The following CYRIB variants were observed in gnomAD, a reference collection of about 807,000 sequenced individuals.
CYRIB encodes CYFIP-related Rac1 interactor B.
Under a neutral mutation model 44.2 loss-of-function variants are expected in CYRIB, and 8 were observed. That is an observed-to-expected ratio of 0.18 (90% CI 0.11 to 0.33). The LOEUF is 0.33. CYRIB is among the 10% of genes least tolerant of loss of function. The pLI is 1.00. For missense variants in CYRIB, 185 were observed against 382.8 expected, an observed-to-expected ratio of 0.48 and a Z score of 4.31; for synonymous variants, 131 against 127.2, an observed-to-expected ratio of 1.03 and a Z score of -0.20.
chr8:129,849,461 T>C (rs113900571), intron 9 of CYRIB, 92 bp from the exon 12 acceptor site: 4 of 1,266,884 alleles, frequency 3.2e-6, no homozygotes, highest in African/African-American at 1.5e-5. Context: ...TCTGAAATAT[T>C]TTATTCAAAT....
intron 2 of CYRIB, among the ~76,000 whole-genome samples, chr8:129,968,175 G>A (rs953586226): frequency 3.9e-5 from 6 of 152,168 alleles, no homozygotes; most frequent in African/African-American, 1.4e-4. Context: ...TGCAAATAAA[G>A]TACACAGAAC....
chr8:130,006,607 C>CACATATATATGTATATAT, intron 1 of CYRIB, among the ~76,000 whole-genome samples: 1 of 7,118 alleles, frequency 1.4e-4, no homozygotes, highest in Admixed American at 2.6e-3. Flanking sequence ...TATATATATA[C>CACATATATATGTATATAT]ATATATATGT....
chr8:129,857,460 T>C (rs1339595514), intron 5 of CYRIB, among the ~76,000 whole-genome samples: 1 of 152,034 alleles, frequency 6.6e-6, no homozygotes, highest in Non-Finnish European at 1.5e-5. Flanking sequence ...ACACCACCAA[T>C]ATAGGAGCAC....
At chr8:129,910,226 T>A (rs563678766) in intron 1 of CYRIB, among the ~76,000 whole-genome samples, 2 of 152,228 alleles carry the variant, frequency 1.3e-5, no homozygotes, top group Non-Finnish European at 2.9e-5. Flanking sequence ...CAAAGTGACA[T>A]GTCTATCTCA....
intron 1 of CYRIB, among the ~76,000 whole-genome samples, chr8:130,014,714 T>G (rs942500150): frequency 1.3e-5 from 2 of 152,226 alleles, no homozygotes; most frequent in African/African-American, 4.8e-5. Flanking sequence ...AGTCTCCCTG[T>G]GCTGGAACCC....
intron 3 of CYRIB, among the ~76,000 whole-genome samples, chr8:129,877,599 A>G (rs1198430519): frequency 6.6e-6 from 1 of 151,548 alleles, no homozygotes; most frequent in Non-Finnish European, 1.5e-5. Flanking sequence ...CAGTGAGCTA[A>G]GATTGCGCCA....
rs1301371045 is a variant in CYRIB, at chr8:129,855,593, G to A, written c.438+18C>T. On this transcript the variant is annotated intron_variant, in intron 6 of 11. Transcript: ENST00000519824. ...ATTCATGATTTTCGTAACAATCAGG[G>A]CCAATAGATAATTCTACCTTGAGTT... The A allele has an allele frequency of 1.2e-6, 2 of 1,613,264 alleles. No homozygotes were observed. Among genetic ancestry groups the A allele is most frequent in the Non-Finnish European group, 1.7e-6 (2 of 1,179,594 alleles).
chr8:129,958,192 T>C (rs2094985918), intron 2 of CYRIB, among the ~76,000 whole-genome samples: 1 of 152,022 alleles, frequency 6.6e-6, no homozygotes, highest in African/African-American at 2.4e-5. Flanking sequence ...CTGGATAAAA[T>C]TGTATCTGCT....
chr8:130,003,015 A>G (rs2096942258), intron 1 of CYRIB, among the ~76,000 whole-genome samples: 1 of 152,260 alleles, frequency 6.6e-6, no homozygotes, highest in African/African-American at 2.4e-5. Context: ...TTGCCAATCT[A>G]TGTGAGTATC....
upstream of CYRIB, chr8:130,016,705 C>T (rs1401809469): frequency 2.0e-5 from 3 of 149,066 alleles, no homozygotes; most frequent in African/African-American, 7.3e-5. Context: ...CGCGGGGCCC[C>T]GGCGTCAGCG....
At chr8:129,952,444 C>G (rs531854377) in intron 2 of CYRIB, among the ~76,000 whole-genome samples, 54 of 152,060 alleles carry the variant, frequency 3.6e-4, no homozygotes, top group African/African-American at 1.3e-3. Flanking sequence ...TAATAGAATG[C>G]AAAATTGTAT....
At chr8:129,951,140 C>T (rs1426958884) in intron 2 of CYRIB, among the ~76,000 whole-genome samples, 1 of 151,980 alleles carries the variant, frequency 6.6e-6, no homozygotes, top group Non-Finnish European at 1.5e-5. Flanking sequence ...CCCATCTCTA[C>T]TAAAAATACA....
At chr8:129,889,562 C>A (rs2064217053) in intron 2 of CYRIB, among the ~76,000 whole-genome samples, 1 of 152,088 alleles carries the variant, frequency 6.6e-6, no homozygotes, top group Non-Finnish European at 1.5e-5. Flanking sequence ...GGGAAGGGGT[C>A]AAACATCAAT....
intron 1 of CYRIB, among the ~76,000 whole-genome samples, chr8:129,923,384 C>T (rs2137343704): frequency 6.6e-6 from 1 of 151,980 alleles, no homozygotes; most frequent in African/African-American, 2.4e-5. Context: ...AAGCGATTCT[C>T]GTTCCTCAGC....
chr8:129,985,149 T>G (rs2096405105), intron 1 of CYRIB, among the ~76,000 whole-genome samples: 1 of 152,182 alleles, frequency 6.6e-6, no homozygotes, highest in Admixed American at 6.5e-5. Flanking sequence ...TGGGACAAGT[T>G]TCTTAACCTC....
At chr8:130,008,863 C>T (rs972894641) in intron 1 of CYRIB, among the ~76,000 whole-genome samples, 2 of 152,162 alleles carry the variant, frequency 1.3e-5, no homozygotes, top group South Asian at 2.1e-4. Context: ...ACTTCCACGT[C>T]GTCTTCTGCA....
intron 2 of CYRIB, among the ~76,000 whole-genome samples, chr8:129,895,749 T>C (rs1033119857): frequency 6.6e-6 from 1 of 152,166 alleles, no homozygotes; most frequent in Non-Finnish European, 1.5e-5. Flanking sequence ...AATGAATAAA[T>C]TTGAAACACG....
At chr8:130,001,513 T>C (rs2096906220) in intron 1 of CYRIB, among the ~76,000 whole-genome samples, 1 of 149,876 alleles carries the variant, frequency 6.7e-6, no homozygotes, top group Non-Finnish European at 1.5e-5. Flanking sequence ...TACCTTTCCC[T>C]GAAAATAATT....
chr8:129,943,723 C>T (rs983338806), upstream of CYRIB, among the ~76,000 whole-genome samples: 1 of 148,840 alleles, frequency 6.7e-6, no homozygotes, highest in South Asian at 2.2e-4. Context: ...CTCAGCCTCC[C>T]GAGCAGCTGG....
Sources: gnomAD v4.1 joint callset for allele counts (sites outside exome capture counted in the v4.1 genomes callset) on GRCh38, gnomAD v4.1.1 for gene constraint, MANE v1.5 for transcripts, NCBI Gene and HGNC (gene_info 2026-07-23, HGNC 2026-07-21) for gene names.